COL25A1: variants seen among roughly 807,000 people sequenced by gnomAD.
The protein encoded by COL25A1 is collagen type XXV alpha 1 chain.
In COL25A1, 103 loss-of-function variants were observed where a neutral mutation model predicts 128.4. That is an observed-to-expected ratio of 0.80 (90% CI 0.68 to 0.94). The LOEUF is 0.94. Among genes scored for constraint, COL25A1 ranks in the 40% least tolerant of loss-of-function variants. COL25A1 has a pLI of 0.00. For missense variants in COL25A1, 745 were observed against 840.0 expected (o/e 0.89, Z 1.40); for synonymous variants, 279 against 277.2 (o/e 1.01, Z -0.06).
intron 3 of COL25A1, among the ~76,000 whole-genome samples, chr4:109,176,411 T>G (rs2526434): frequency 0.82 from 125,197 of 152,148 alleles, 51,994 homozygotes; most frequent in East Asian, 1. Flanking sequence ...AAGCTAGAGA[T>G]GAGACTTGGC....
intron 3 of COL25A1, among the ~76,000 whole-genome samples, chr4:109,066,288 T>A (rs1275506904): frequency 6.6e-6 from 1 of 152,160 alleles, no homozygotes; most frequent in Non-Finnish European, 1.5e-5. Flanking sequence ...CCTGACCATC[T>A]TAGTCCCTTC....
intron 31 of COL25A1, among the ~76,000 whole-genome samples, chr4:108,841,036 AT>A (rs1734385212): frequency 6.6e-6 from 1 of 152,194 alleles, no homozygotes; most frequent in African/African-American, 2.4e-5. Context: ...TTCAGGGCTT[AT>A]TTTAATCTGC....
intron 11 of COL25A1, among the ~76,000 whole-genome samples, chr4:108,936,462 G>C (rs112664794): frequency 0.034 from 5,197 of 152,190 alleles, 144 homozygotes; most frequent in African/African-American, 0.059. Flanking sequence ...AGCTGCTCAG[G>C]AAACTGAGGC....
Position 109,050,147 on chromosome 4 carries a change from T to C in COL25A1, c.400A>G (p.Arg134Gly). Reference protein sequence around the residue: ...PPGKRGKRGRRGESGPPGQPG... With the variant: ...PPGKRGKRGRGGESGPPGQPG... ...AAGAGAGACTTACCAGATTCTCCTC[T>C]TCGGCCTCTCTTACCTCGTTTCCCT... The change falls in exon 4 of 38, where the codon AGA (arginine) becomes GGA (glycine). Residue 134 changes from arginine to glycine, a missense_variant. This residue lies in a region of COL25A1 where 319 missense variants were observed against 324.9 expected (regional missense o/e 0.98). Coordinates refer to ENST00000399132, the MANE Select transcript of COL25A1 (RefSeq NM_198721.4). 1.2e-6 allele frequency: 2 copies of C among 1,609,412 alleles called. No individual in the cohort carries two copies. The highest frequency in any genetic ancestry group is 1.7e-6 in the Non-Finnish European group (2 of 1,176,956).
At chr4:108,948,597 T>G (rs1295150100) in intron 8 of COL25A1, among the ~76,000 whole-genome samples, 1 of 152,180 alleles carries the variant, frequency 6.6e-6, no homozygotes, top group Admixed American at 6.5e-5. Flanking sequence ...TTTGAATATA[T>G]TTTCAAGTGG....
chr4:108,975,025 C>T (rs567366830), intron 6 of COL25A1, among the ~76,000 whole-genome samples: 38 of 152,262 alleles, frequency 2.5e-4, no homozygotes, highest in Admixed American at 2.2e-3. Context: ...GAAATTCATC[C>T]ATAATTTTGT....
At position 108,889,589 on chromosome 4, in the gene COL25A1, A is replaced by C. The variant is rs1010035805; in HGVS notation, c.939+112T>G. The C allele has an allele frequency of 5.0e-5, 45 of 903,244 alleles. No individual in the cohort carries two copies. In the Admixed American group the frequency reaches 9.7e-4, roughly 19 times the overall value. The allele number at this position is 903,244 out of a possible 1,614,324, so 56.0% of individuals were successfully genotyped here. A position where few individuals can be genotyped will look rare whatever the true frequency, so the allele number is the denominator to read the frequency against. ...TTGGAAGCCCAGTTATTGTAGGAGA[A>C]TAAGAACAGAGTTATAACCATCAAA... On this transcript the variant is annotated intron_variant, in intron 17 of 37. Transcript: ENST00000399132.
At chr4:108,843,784 G>GTGTGATATTTTTT (rs1226375201) in intron 30 of COL25A1, among the ~76,000 whole-genome samples, 17 of 152,054 alleles carry the variant, frequency 1.1e-4, no homozygotes, top group Non-Finnish European at 2.2e-4. Flanking sequence ...TATGGATATA[G>GTGTGATATTTTTT]TGTGATATTT....
chr4:108,891,951 C>G (rs1289848521), intron 16 of COL25A1, among the ~76,000 whole-genome samples: 5 of 151,872 alleles, frequency 3.3e-5, no homozygotes, highest in Admixed American at 6.6e-5. Context: ...TTGTGGAAAT[C>G]TGAGCAGTTC....
chr4:109,088,688 G>T (rs1429942091), intron 3 of COL25A1, among the ~76,000 whole-genome samples: 1 of 150,644 alleles, frequency 6.6e-6, no homozygotes, highest in African/African-American at 2.4e-5. Context: ...ATTTATAGTA[G>T]TAAGTGAGAC....
At chr4:109,064,355 T>A (rs1371324914) in intron 3 of COL25A1, among the ~76,000 whole-genome samples, 1 of 152,214 alleles carries the variant, frequency 6.6e-6, no homozygotes, top group East Asian at 1.9e-4. Context: ...GTTCTTGTAT[T>A]TGGGCATCCA....
At chr4:108,926,778 T>A (rs1490368607) in intron 11 of COL25A1, among the ~76,000 whole-genome samples, 8 of 151,758 alleles carry the variant, frequency 5.3e-5, no homozygotes. Context: ...ATGTTTGATG[T>A]GGGAAGGTTA....
chr4:108,815,615 G>A (rs572946892), intron 37 of COL25A1, among the ~76,000 whole-genome samples: 4 of 152,126 alleles, frequency 2.6e-5, no homozygotes, highest in African/African-American at 9.6e-5. Flanking sequence ...ATCTTATGTA[G>A]TGTATAGTGT....
At chr4:108,894,496 CA>C (rs1238393237) in intron 16 of COL25A1, among the ~76,000 whole-genome samples, 2 of 152,032 alleles carry the variant, frequency 1.3e-5, no homozygotes, top group African/African-American at 4.8e-5. Context: ...ATCAAAATAA[CA>C]ATAATAATTC....
chr4:109,237,273 A>C (rs937134697), intron 3 of COL25A1, among the ~76,000 whole-genome samples: 7 of 152,236 alleles, frequency 4.6e-5, no homozygotes, highest in Admixed American at 2.6e-4. Flanking sequence ...GTGCTGAGGC[A>C]TAACTGCTCA....
chr4:109,256,196 T>C (rs1301700895), intron 3 of COL25A1, among the ~76,000 whole-genome samples: 2 of 152,116 alleles, frequency 1.3e-5, no homozygotes, highest in Non-Finnish European at 1.5e-5. Context: ...TCTGGTGCTG[T>C]GTGTCTGATA....
At chr4:108,834,252 A>C (rs1031397117) in intron 31 of COL25A1, 71 of 1,172,048 alleles carry the variant, frequency 6.1e-5, no homozygotes, top group Non-Finnish European at 8.4e-5. Flanking sequence ...CTCTAAGTAC[A>C]CCCTCATCAT....
At chr4:109,227,084 A>G (rs1778856228) in intron 3 of COL25A1, among the ~76,000 whole-genome samples, 1 of 152,174 alleles carries the variant, frequency 6.6e-6, no homozygotes, top group African/African-American at 2.4e-5. Flanking sequence ...GGTCACCACT[A>G]CATATGTAGT....
rs10700157 is a variant in COL25A1 at position 109,137,984 on chromosome 4, A to ATGTGTGTGTGTGTGTG, written c.368-87821_368-87806dup. On this transcript the variant is annotated intron_variant, in intron 3 of 37. Transcript: ENST00000399132. Reference sequence around the variant, plus strand: ...AACAGAAATTTCATTTTATATATATATGTGTGTGTGTGTGTGTGTGTGTGT... The same window carrying ATGTGTGTGTGTGTGTG: ...AACAGAAATTTCATTTTATATATATATGTGTGTGTGTGTGTGTGTGTGTGTGTGTGTGTGTGTGTGT... 3.1e-3 allele frequency among the ~76,000 whole-genome samples: 435 copies of ATGTGTGTGTGTGTGTG among 142,576 alleles called. 4 individuals carry two copies. The South Asian group carries it at 0.032, about 10-fold the overall frequency. 93.5% of individuals were successfully genotyped at this position (142,576 alleles called of 152,430 possible).
Sources: gnomAD v4.1 joint callset for allele counts (sites outside exome capture counted in the v4.1 genomes callset) on GRCh38, gnomAD v4.1.1 for gene constraint, gnomAD v4.1.1 regional missense constraint, MANE v1.5 for transcripts, NCBI Gene and HGNC (gene_info 2026-07-23, HGNC 2026-07-21) for gene names.